The following ANXA2 variants were observed in gnomAD, a reference collection of about 807,000 sequenced individuals.
The protein encoded by ANXA2 is annexin A2.
ANXA2 carries 28 observed loss-of-function variants against 47.3 expected under a neutral mutation model. That is an observed-to-expected ratio of 0.59 (90% confidence interval 0.44 to 0.81). The LOEUF is 0.81. Ranked by LOEUF, ANXA2 falls within the 40% of genes least tolerant of loss-of-function variation. The pLI is 0.00. For synonymous variants in ANXA2, 172 were observed against 155.5 expected (o/e 1.11, Z -0.79); for missense variants, 384 against 414.3 (o/e 0.93, Z 0.64).
intron 12 of ANXA2, 105 bp downstream of exon 12, chr15:60,348,970 C>G: frequency 7.3e-7 from 1 of 1,363,864 alleles, no homozygotes. Context: ...CCCAGAGAGT[C>G]AGAAAACAGA....
intron 11 of ANXA2, among the ~76,000 whole-genome samples, chr15:60,349,777 G>A (rs1895905289): frequency 7.1e-6 from 1 of 140,238 alleles, no homozygotes; most frequent in East Asian, 2.1e-4. Flanking sequence ...AGGGAAGGAA[G>A]GAAGGAGAGA....
chr15:60,378,684 G>C (rs1284208776), intron 3 of ANXA2, among the ~76,000 whole-genome samples: 1 of 152,196 alleles, frequency 6.6e-6, no homozygotes, highest in Non-Finnish European at 1.5e-5. Context: ...AAAATAAGTA[G>C]GCTGGGTGCG....
rs983187626 is a variant in ANXA2 at position 60,347,645 on chromosome 15, A to G, written c.1005T>C (p.Cys335=). 9.9e-6 allele frequency: 16 copies of G among 1,614,032 alleles called. No homozygotes were observed. Among genetic ancestry groups the G allele is most frequent in the Admixed American group, 1.7e-5 (1 of 60,000 alleles). ...GDYQKALLYL[C]GGDD ...GTGTCGGGCTTCAGTCATCTCCACCACACAGGTACAGCAGCGCTTTCTGGT... is the reference window on the plus strand; with the variant it reads ...GTGTCGGGCTTCAGTCATCTCCACCGCACAGGTACAGCAGCGCTTTCTGGT... The change falls in exon 13 of 13, where the codon TGT becomes TGC. Residue 335 remains cysteine (C), a synonymous_variant. Transcript: ENST00000451270.
At chr15:60,374,757 G>C (rs2062755304) in intron 3 of ANXA2, 1 of 453,858 alleles carries the variant, frequency 2.2e-6, no homozygotes, top group South Asian at 1.6e-5. Flanking sequence ...CTGTGACTCA[G>C]CACTGGCCTC....
At chr15:60,362,018 A>T (rs1566935625) in intron 4 of ANXA2, among the ~76,000 whole-genome samples, 1 of 151,798 alleles carries the variant, frequency 6.6e-6, no homozygotes, top group Non-Finnish European at 1.5e-5. Flanking sequence ...GGTGATTTGC[A>T]GCATGCTTCA....
At chr15:60,368,517 A>G (rs992371191) in intron 3 of ANXA2, among the ~76,000 whole-genome samples, 4 of 152,044 alleles carry the variant, frequency 2.6e-5, no homozygotes, top group Non-Finnish European at 5.9e-5. Flanking sequence ...GATGGCATGG[A>G]AGTATTAATT....
At chr15:60,363,686 A>T (rs1223686618) in intron 4 of ANXA2, among the ~76,000 whole-genome samples, 1 of 152,166 alleles carries the variant, frequency 6.6e-6, no homozygotes, top group Non-Finnish European at 1.5e-5. Flanking sequence ...GCACACAAAG[A>T]CCCTTTAAAT....
At chr15:60,359,690 A>G (rs1011076861) in intron 5 of ANXA2, among the ~76,000 whole-genome samples, 1 of 152,230 alleles carries the variant, frequency 6.6e-6, no homozygotes, top group African/African-American at 2.4e-5. Context: ...TCTCTGGGAA[A>G]AGGATGACAA....
chr15:60,360,896 A>G (rs1362676602), intron 5 of ANXA2, 45 bp downstream of exon 5: 1 of 1,264,488 alleles, frequency 7.9e-7, no homozygotes, highest in Non-Finnish European at 1.1e-6. Context: ...TAATTCACAA[A>G]ATTAATAGCA....
At chr15:60,373,226 G>C (rs945667802) in intron 3 of ANXA2, among the ~76,000 whole-genome samples, 1 of 152,160 alleles carries the variant, frequency 6.6e-6, no homozygotes, top group Admixed American at 6.6e-5. Flanking sequence ...ACTTACATTT[G>C]GTAATCTGTA....
intron 1 of ANXA2, among the ~76,000 whole-genome samples, chr15:60,387,731 TTGAG>T (rs939882205): frequency 6.6e-6 from 1 of 152,152 alleles, no homozygotes; most frequent in African/African-American, 2.4e-5. Flanking sequence ...ACGATGGACT[TTGAG>T]TGGTAACGAT....
At chr15:60,372,759 C>T (rs1193719142) in intron 3 of ANXA2, among the ~76,000 whole-genome samples, 1 of 150,048 alleles carries the variant, frequency 6.7e-6, no homozygotes, top group Non-Finnish European at 1.5e-5. Flanking sequence ...AGTGGTACAA[C>T]CATGGCTCAC....
intron 4 of ANXA2, among the ~76,000 whole-genome samples, chr15:60,364,213 C>A (rs568317031): frequency 6.6e-6 from 1 of 152,344 alleles, no homozygotes; most frequent in Non-Finnish European, 1.5e-5. Flanking sequence ...CTTATGAGAA[C>A]CTAATGCCTG....
At chr15:60,357,984 A>G (rs1349023323) in intron 5 of ANXA2, among the ~76,000 whole-genome samples, 1 of 152,254 alleles carries the variant, frequency 6.6e-6, no homozygotes, top group Non-Finnish European at 1.5e-5. Flanking sequence ...CGCTAAAATA[A>G]AGGAATACAG....
At chr15:60,365,940 A>G (rs1271409394) in intron 3 of ANXA2, among the ~76,000 whole-genome samples, 1 of 127,254 alleles carries the variant, frequency 7.9e-6, no homozygotes, top group Non-Finnish European at 1.7e-5. Flanking sequence ...GCTCACTGCA[A>G]CCTCCCTGCC....
In ANXA2 at chr15:60,347,695, A is replaced by G; in HGVS notation, c.961-6T>C. The G allele has an allele frequency of 1.2e-6, 2 of 1,614,002 alleles. No homozygotes were observed. Among genetic ancestry groups the G allele is most frequent in the Non-Finnish European group, 1.7e-6 (2 of 1,179,872 alleles). The stretch of plus-strand genomic sequence containing the variant: ...TAGTCGCCCTTAGTGTCTTGCTACA[A>G]TGGCCCAGGAAAGAAAAGAAACGTG... On this transcript the variant is annotated splice_region_variant and splice_polypyrimidine_tract_variant and intron_variant, in intron 12 of 12. Coordinates refer to ENST00000451270, the MANE Select transcript of ANXA2 (RefSeq NM_004039.3).
intron 5 of ANXA2, 77 bp downstream of exon 5, chr15:60,360,864 C>T (rs1485010787): frequency 4.2e-6 from 4 of 947,606 alleles, no homozygotes; most frequent in Non-Finnish European, 6.6e-6. Context: ...CTGAAAATCA[C>T]CAAATTACAC....
chr15:60,356,081 C>A, intron 6 of ANXA2, 83 bp from the exon 7 acceptor site: 1 of 1,043,402 alleles, frequency 9.6e-7, no homozygotes, highest in Non-Finnish European at 1.5e-6. Context: ...CCCACTAAGA[C>A]TCTGAGAAGC....
chr15:60,353,924 C>T (rs2062385536), intron 8 of ANXA2, among the ~76,000 whole-genome samples: 1 of 152,236 alleles, frequency 6.6e-6, no homozygotes, highest in Non-Finnish European at 1.5e-5. Flanking sequence ...CCTCAGGTGA[C>T]TGCAGCCATG....
Sources: allele counts gnomAD v4.1 joint callset (sites outside exome capture counted in the v4.1 genomes callset), GRCh38; gene constraint gnomAD v4.1.1; transcripts MANE v1.5; gene names NCBI Gene and HGNC (gene_info 2026-07-23, HGNC 2026-07-21).